Variants in CTNNBL1 observed in about 807,000 individuals in gnomAD.
CTNNBL1 encodes beta-catenin-like protein 1.
In CTNNBL1, 31 loss-of-function variants were observed where a neutral mutation model predicts 72.7. The observed-to-expected ratio is 0.43, with a 90% CI of 0.32 to 0.58. The LOEUF (loss-of-function observed/expected upper bound fraction) is 0.58. CTNNBL1 is among the 20% of genes least tolerant of loss of function. The probability of loss-of-function intolerance (pLI) is 0.08; values close to 1 mark genes in which losing one functional copy is unlikely to be tolerated. For synonymous variants in CTNNBL1, 240 were observed against 267.3 expected (o/e 0.90, Z 1.00); for missense variants, 534 against 725.1 (o/e 0.74, Z 3.03).
At chr20:37,775,148 A>G (rs1162089353) in intron 7 of CTNNBL1, among the ~76,000 whole-genome samples, 1 of 152,200 alleles carries the variant, frequency 6.6e-6, no homozygotes, top group Admixed American at 6.5e-5. Context: ...ATGTCCTTAC[A>G]ATTTATTAGC....
chr20:37,869,304 G>C lies in CTNNBL1; in HGVS notation c.1604-2621G>C, dbSNP rs545501732. ...GGTGGGGCTGACAGGGGAGGGGTGA[G>C]AGGTCACATGCTTTGTCTCCCCAGT... On this transcript the variant is annotated intron_variant, in intron 15 of 15. Transcript: ENST00000361383. 8.1e-4 allele frequency among the ~76,000 whole-genome samples: 124 copies of C among 152,358 alleles called. 1 individual carries two copies. Among genetic ancestry groups the C allele is most frequent in the African/African-American group, 3.0e-3 (123 of 41,578 alleles).
intron 13 of CTNNBL1, among the ~76,000 whole-genome samples, chr20:37,846,928 T>C (rs2072351878): frequency 6.6e-6 from 1 of 152,220 alleles, no homozygotes; most frequent in Non-Finnish European, 1.5e-5. Context: ...TTGTTTACTC[T>C]CTGTCTCTGG....
intron 11 of CTNNBL1, among the ~76,000 whole-genome samples, chr20:37,832,993 G>A (rs907035477): frequency 1.3e-5 from 2 of 152,146 alleles, no homozygotes; most frequent in Non-Finnish European, 2.9e-5. Flanking sequence ...GAAACTCCAT[G>A]GAAAATGTTA....
intron 7 of CTNNBL1, among the ~76,000 whole-genome samples, chr20:37,774,074 A>G (rs1394334621): frequency 6.6e-6 from 1 of 151,704 alleles, no homozygotes; most frequent in East Asian, 1.9e-4. Context: ...CACCACACCC[A>G]GCTAATGTTT....
At chr20:37,731,682 T>A (rs1004909999) in intron 1 of CTNNBL1, among the ~76,000 whole-genome samples, 3 of 152,264 alleles carry the variant, frequency 2.0e-5, no homozygotes, top group Non-Finnish European at 4.4e-5. Context: ...TTTGTCTTTC[T>A]GTGCCTGGCT....
At chr20:37,708,286 G>C (rs536966933) in intron 1 of CTNNBL1, among the ~76,000 whole-genome samples, 1 of 151,578 alleles carries the variant, frequency 6.6e-6, no homozygotes, top group Non-Finnish European at 1.5e-5. Context: ...TCATGGGCTC[G>C]AGCAATCCCA....
At chr20:37,724,172 C>A (rs2073063739) in intron 1 of CTNNBL1, among the ~76,000 whole-genome samples, 1 of 152,180 alleles carries the variant, frequency 6.6e-6, no homozygotes, top group Non-Finnish European at 1.5e-5. Context: ...TTCCACATGT[C>A]TAATTATTCC....
intron 15 of CTNNBL1, among the ~76,000 whole-genome samples, chr20:37,866,394 CA>C (rs1337102176): frequency 6.6e-6 from 1 of 152,190 alleles, no homozygotes; most frequent in Admixed American, 6.5e-5. Context: ...GGTTCACAAG[CA>C]AGCTCTGTCG....
At chr20:37,864,512 G>A (rs1046801254) in intron 15 of CTNNBL1, among the ~76,000 whole-genome samples, 2 of 152,034 alleles carry the variant, frequency 1.3e-5, no homozygotes, top group African/African-American at 4.8e-5. Context: ...TCCTCTATTG[G>A]GGGTGCCAAG....
At chr20:37,835,013 A>G (rs1163277268) in intron 11 of CTNNBL1, among the ~76,000 whole-genome samples, 2 of 152,248 alleles carry the variant, frequency 1.3e-5, no homozygotes, top group Admixed American at 6.5e-5. Context: ...TAGGGAACCT[A>G]TTTGCAACAT....
chr20:37,823,349 A>T (rs1363043560), intron 11 of CTNNBL1, among the ~76,000 whole-genome samples: 1 of 152,244 alleles, frequency 6.6e-6, no homozygotes, highest in African/African-American at 2.4e-5. Flanking sequence ...AAGAAGGGTC[A>T]AGAAATCAGA....
At position 37,716,572 on chromosome 20, in the gene CTNNBL1, A is replaced by G. The variant is rs114057969; in HGVS notation, c.31-16307A>G. ...GTAAAGCTTCCAGAAATATTTTACT[A>G]TTTCCTTTGAGTTGAGGAAATAAAG... On this transcript the variant is annotated intron_variant, in intron 1 of 15. Transcript: ENST00000361383. Among the ~76,000 whole-genome samples the G allele has an allele frequency of 4.1e-3, 620 of 152,268 alleles. 2 individuals are homozygous for G. Among genetic ancestry groups the G allele is most frequent in the African/African-American group, 0.014 (595 of 41,546 alleles).
chr20:37,779,072 T>C (rs780888260), intron 9 of CTNNBL1, 115 bp from the exon 10 acceptor site: 1 of 965,722 alleles, frequency 1.0e-6, no homozygotes, highest in Non-Finnish European at 1.6e-6. Context: ...TTTGGTGAGC[T>C]TCTGTTTCCT....
chr20:37,696,629 A>C (rs1362559034), intron 1 of CTNNBL1, among the ~76,000 whole-genome samples: 1 of 151,080 alleles, frequency 6.6e-6, no homozygotes, highest in African/African-American at 2.4e-5. Context: ...TTTTTAGTAG[A>C]GATGGGGTTT....
chr20:37,831,655 C>T (rs765745526), intron 11 of CTNNBL1, among the ~76,000 whole-genome samples: 3 of 152,094 alleles, frequency 2.0e-5, no homozygotes, highest in Non-Finnish European at 2.9e-5. Context: ...CATGAATGAC[C>T]GCACCCAGCT....
chr20:37,753,807 T>A (rs1049871364), intron 4 of CTNNBL1, among the ~76,000 whole-genome samples: 2 of 152,226 alleles, frequency 1.3e-5, no homozygotes, highest in African/African-American at 4.8e-5. Context: ...TTACCCTAGT[T>A]TTACAGATGA....
At chr20:37,787,157 A>G (rs1019173140) in intron 10 of CTNNBL1, among the ~76,000 whole-genome samples, 9 of 142,878 alleles carry the variant, frequency 6.3e-5, no homozygotes, top group East Asian at 4.1e-4. Flanking sequence ...GGATTCCACT[A>G]TGTTGCCCAG....
At chr20:37,786,681 C>G (rs920611117) in intron 10 of CTNNBL1, among the ~76,000 whole-genome samples, 1 of 151,722 alleles carries the variant, frequency 6.6e-6, no homozygotes, top group African/African-American at 2.4e-5. Flanking sequence ...TTTTTTTCTA[C>G]TTTTTTGTTT....
At position 37,803,012 on chromosome 20, in the gene CTNNBL1, A is replaced by C. The variant is rs1308871827; in HGVS notation, c.1177A>C (p.Ile393Leu). Residue 393 changes from isoleucine to leucine, a missense_variant, in exon 11 of 16, where the codon ATC becomes CTC. Transcript: ENST00000361383. ...CCTCTTTATGAAATCTCCCAGGAAG[A>C]TCAAGAAAGTGGGAACCACTGAGAA... ...FPLFMKSPRK[I>L]KKVGTTEKEH... 2 of 1,614,114 alleles carry C rather than the reference A, an allele frequency of 1.2e-6. No homozygotes were observed. Among genetic ancestry groups the C allele is most frequent in the African/African-American group, 2.7e-5 (2 of 75,034 alleles).
Sources: gnomAD v4.1 joint callset for allele counts (sites outside exome capture counted in the v4.1 genomes callset) on GRCh38, gnomAD v4.1.1 for gene constraint, MANE v1.5 for transcripts, NCBI Gene and HGNC (gene_info 2026-07-23, HGNC 2026-07-21) for gene names.